The following CCDC91 variants were observed in gnomAD, a reference collection of about 807,000 sequenced individuals.
The protein encoded by CCDC91 is coiled-coil domain containing 91, also known as coiled-coil domain-containing protein 91.
A neutral mutation model predicts 63.2 loss-of-function variants in CCDC91; 48 were observed. That is an observed-to-expected ratio of 0.76 (90% CI 0.60 to 0.97). The LOEUF (loss-of-function observed/expected upper bound fraction) is 0.97. Ranked by LOEUF, CCDC91 falls within the 50% of genes least tolerant of loss-of-function variation. CCDC91 has a pLI of 0.00. For missense variants in CCDC91, 500 were observed against 494.6 expected (o/e 1.01, Z -0.10); for synonymous variants, 167 against 165.8 (o/e 1.01, Z -0.06).
chr12:28,443,866 A>G (rs1949361826), intron 8 of CCDC91, among the ~76,000 whole-genome samples: 1 of 152,260 alleles, frequency 6.6e-6, no homozygotes, highest in Non-Finnish European at 1.5e-5. Flanking sequence ...TATTAGGTCC[A>G]ATAGTTATAA....
At chr12:28,338,509 G>A (rs1467078419) in intron 6 of CCDC91, among the ~76,000 whole-genome samples, 1 of 152,132 alleles carries the variant, frequency 6.6e-6, no homozygotes, top group African/African-American at 2.4e-5. Flanking sequence ...GTACAAAGAT[G>A]TTTGGGTGCT....
chr12:28,518,150 A>C (rs1208966381), intron 12 of CCDC91, among the ~76,000 whole-genome samples: 3 of 152,040 alleles, frequency 2.0e-5, no homozygotes, highest in Non-Finnish European at 2.9e-5. Context: ...GTAGATACCC[A>C]GTAGTGGGAT....
intron 3 of CCDC91, among the ~76,000 whole-genome samples, chr12:28,262,490 A>G (rs1946891556): frequency 6.6e-6 from 1 of 151,974 alleles, no homozygotes. Context: ...AGGATTTCAT[A>G]ATAGCAACTG....
At chr12:28,498,096 A>G (rs1452502469) in intron 12 of CCDC91, among the ~76,000 whole-genome samples, 1 of 151,646 alleles carries the variant, frequency 6.6e-6, no homozygotes, top group East Asian at 1.9e-4. Flanking sequence ...AACAACAAGA[A>G]CAACTTTACA....
chr12:28,270,809 C>CTGCT (rs1012629391), intron 3 of CCDC91, among the ~76,000 whole-genome samples: 12 of 151,972 alleles, frequency 7.9e-5, no homozygotes, highest in African/African-American at 2.9e-4. Flanking sequence ...GGTTATGATC[C>CTGCT]TGCTTGACGT....
chr12:28,329,372 A>G (rs1166496188), intron 6 of CCDC91, among the ~76,000 whole-genome samples: 3 of 152,178 alleles, frequency 2.0e-5, no homozygotes, highest in Non-Finnish European at 4.4e-5. Context: ...CTTGGCACCA[A>G]TGTGGACATA....
chr12:28,311,832 T>C (rs369179825), intron 6 of CCDC91, among the ~76,000 whole-genome samples: 24 of 152,060 alleles, frequency 1.6e-4, no homozygotes, highest in East Asian at 7.8e-4. Context: ...TTGACTTTTA[T>C]TGGGGCTTTT....
intron 8 of CCDC91, among the ~76,000 whole-genome samples, chr12:28,402,765 G>C (rs1176815335): frequency 6.6e-6 from 1 of 151,964 alleles, no homozygotes; most frequent in African/African-American, 2.4e-5. Flanking sequence ...CATTAAATAT[G>C]ATCTTGGCTG....
intron 6 of CCDC91, among the ~76,000 whole-genome samples, chr12:28,318,969 T>G (rs1940197758): frequency 6.6e-6 from 1 of 151,964 alleles, no homozygotes; most frequent in Non-Finnish European, 1.5e-5. Flanking sequence ...AATTTACTGA[T>G]AGGTTTTGAG....
At chr12:28,358,982 G>A (rs578253342) in intron 6 of CCDC91, among the ~76,000 whole-genome samples, 1 of 151,948 alleles carries the variant, frequency 6.6e-6, no homozygotes, top group East Asian at 1.9e-4. Context: ...CGCAACCTCC[G>A]CCTCCCGGGT....
intron 6 of CCDC91, among the ~76,000 whole-genome samples, chr12:28,333,822 CCTTTT>C (rs1941708482): frequency 6.6e-6 from 1 of 152,076 alleles, no homozygotes; most frequent in African/African-American, 2.4e-5. Flanking sequence ...TGTAATTTGT[CCTTTT>C]AAGTTCTAAT....
chr12:28,491,017 G>T (rs773069842), intron 12 of CCDC91, among the ~76,000 whole-genome samples: 1 of 151,622 alleles, frequency 6.6e-6, no homozygotes, highest in African/African-American at 2.4e-5. Context: ...TATAAAATAC[G>T]TTTTAACTTA....
intron 3 of CCDC91, among the ~76,000 whole-genome samples, chr12:28,281,076 A>G (rs538810716): frequency 8.5e-5 from 13 of 152,260 alleles, no homozygotes; most frequent in African/African-American, 2.9e-4. Flanking sequence ...TCATTTATCA[A>G]TTACTTTTTC....
At chr12:28,306,668 C>A in intron 4 of CCDC91, 74 bp from the exon 5 acceptor site, 1 of 975,878 alleles carries the variant, frequency 1.0e-6, no homozygotes, top group Non-Finnish European at 1.5e-6. Flanking sequence ...GTTTCTAGTG[C>A]CCTTTGGATG....
intron 6 of CCDC91, among the ~76,000 whole-genome samples, chr12:28,344,262 A>C (rs1942648151): frequency 3.3e-5 from 5 of 152,142 alleles, no homozygotes; most frequent in Admixed American, 3.3e-4. Flanking sequence ...CTAGTTTTAT[A>C]AGGAAATAGT....
At chr12:28,516,867 A>G (rs1420268805) in intron 12 of CCDC91, among the ~76,000 whole-genome samples, 2 of 151,870 alleles carry the variant, frequency 1.3e-5, no homozygotes, top group Non-Finnish European at 2.9e-5. Flanking sequence ...ATCACCTCTT[A>G]AAGTTCTCAC....
At chr12:28,371,636 T>C (rs1944628574) in intron 7 of CCDC91, among the ~76,000 whole-genome samples, 1 of 152,220 alleles carries the variant, frequency 6.6e-6, no homozygotes, top group Non-Finnish European at 1.5e-5. Context: ...AATTATGCTG[T>C]CATTTAAAAT....
chr12:28,286,514 A>G lies in CCDC91; in HGVS notation c.110-19135A>G, dbSNP rs1948924959. On this transcript the variant is annotated intron_variant, in intron 3 of 12. Transcript: ENST00000536442. ...AAGGGTAATAATGGATTTTAGCTCCATCCATGTTCCTGCAAAGGACATGAT... is the reference window on the plus strand; with the variant it reads ...AAGGGTAATAATGGATTTTAGCTCCGTCCATGTTCCTGCAAAGGACATGAT... 2.0e-5 allele frequency among the ~76,000 whole-genome samples: 3 copies of G among 152,334 alleles called. No homozygotes were observed. In the South Asian group the frequency reaches 6.2e-4, roughly 32 times the overall value.
At chr12:28,481,453 A>G (rs973487960) in intron 11 of CCDC91, among the ~76,000 whole-genome samples, 4 of 151,988 alleles carry the variant, frequency 2.6e-5, no homozygotes, top group African/African-American at 9.7e-5. Flanking sequence ...TCCTGTTTGA[A>G]TGTACTTATT....
Sources: gnomAD v4.1 joint callset for allele counts (sites outside exome capture counted in the v4.1 genomes callset) on GRCh38, gnomAD v4.1.1 for gene constraint, MANE v1.5 for transcripts, NCBI Gene and HGNC (gene_info 2026-07-23, HGNC 2026-07-21) for gene names.